Variants in ZNF526 observed in about 807,000 individuals in gnomAD.
ZNF526 encodes zinc finger protein 526.
ZNF526 carries 16 observed loss-of-function variants against 32.4 expected under a neutral mutation model. That is an observed-to-expected ratio of 0.49 (90% CI 0.33 to 0.75). The LOEUF is 0.75. Ranked by LOEUF, ZNF526 falls within the 30% of genes least tolerant of loss-of-function variation. ZNF526 has a pLI of 0.02. For synonymous variants in ZNF526, 355 were observed against 363.4 expected, an observed-to-expected ratio of 0.98 and a Z score of 0.26; for missense variants, 838 against 920.7, an observed-to-expected ratio of 0.91 and a Z score of 1.16.
rs765466116 is a variant in ZNF526 at position 42,224,852 on chromosome 19, C to A, written c.449C>A (p.Pro150His). 1 of 1,613,982 alleles carries A rather than the reference C, an allele frequency of 6.2e-7. No homozygotes were observed. The highest frequency in any genetic ancestry group is 1.1e-5 in the South Asian group (1 of 91,076). The change falls in exon 3 of 3, where the codon CCC becomes CAC. Residue 150 changes from proline (P) to histidine (H), a missense_variant. Physicochemically the swap from Pro to His is moderately conservative, Grantham distance 77. Coordinates refer to ENST00000301215, the MANE Select transcript of ZNF526 (RefSeq NM_133444.3). The stretch of plus-strand genomic sequence containing the variant: ...TGCTGGGACTGCCAGGAGCTGTTCC[C>A]CTCGCCCGAGCTGTGGGTGGCTCAT... ...YQCWDCQELF[P>H]SPELWVAHRK...
chr19:42,225,390 TG>T lies in ZNF526; in HGVS notation c.989del (p.Gly330AlafsTer34). On this transcript the variant is annotated frameshift_variant, in exon 3 of 3. Coordinates refer to ENST00000301215, the MANE Select transcript of ZNF526 (RefSeq NM_133444.3). LOFTEE classifies it high-confidence loss of function. ...AGGCTCATGGGCGGGCCCATGTTGG[TG>T]GCACACATGAGTGTACAACCTGCTC... ...LQAHGRAHVG[G>X]THECTTCSKV... is the part of the protein sequence containing the mutation. 6.2e-7 allele frequency: 1 copy of T among 1,613,980 alleles called. No individual in the cohort carries two copies. The highest frequency in any genetic ancestry group is 8.5e-7 in the Non-Finnish European group (1 of 1,180,028).
Position 42,223,984 on chromosome 19 carries a change from T to A in ZNF526, c.-108-231T>A, listed in dbSNP as rs1450945945. 3.6e-3 allele frequency among the ~76,000 whole-genome samples: 460 copies of A among 127,496 alleles called. 7 individuals carry two copies. Among genetic ancestry groups the A allele is most frequent in the African/African-American group, 0.014 (444 of 31,144 alleles). 83.6% of individuals were successfully genotyped at this position (127,496 alleles called of 152,430 possible). ...CCTTGTCTCTACTAAAATATATATA[T>A]ATATATATATATATATATACAAAAA... On this transcript the variant is annotated intron_variant, in intron 1 of 2. Transcript: ENST00000301215.
intron 1 of ZNF526, among the ~76,000 whole-genome samples, chr19:42,223,567 G>A (rs566374668): frequency 6.6e-6 from 1 of 152,244 alleles, no homozygotes; most frequent in East Asian, 1.9e-4. Context: ...CCTGAACCTG[G>A]GAGGCAGAGC....
chr19:42,225,209 C>G lies in ZNF526; in HGVS notation c.806C>G (p.Ala269Gly), dbSNP rs1454615012. The G allele has an allele frequency of 2.5e-6, 4 of 1,614,062 alleles. No homozygotes were observed. The highest frequency in any genetic ancestry group is 2.2e-5 in the South Asian group (2 of 91,082). Residue 269 changes from alanine to glycine, a missense_variant, in exon 3 of 3, where the codon GCT (alanine) becomes GGT (glycine). Transcript: ENST00000301215. ...GCTGTGGGAGGTGACGAGTCCACAG[C>G]TGGCTGGGCTCAGGGCTGCGGGGAC... ...DDAVGGDESTAGWAQGCGDCP... is the reference protein window; with the variant it reads ...DDAVGGDESTGGWAQGCGDCP...
Position 42,225,904 on chromosome 19 carries a change from C to T in ZNF526, c.1501C>T (p.Gln501Ter). Residue 501 changes from glutamine to a stop codon, truncating the protein, a stop_gained, in exon 3 of 3, where the codon CAG becomes TAG. Transcript: ENST00000301215. LOFTEE classifies it high-confidence loss of function. ...GACACACACGGGTGAGAGGCCCTTC[C>T]AGTGCCACTCATGTGGCAAGACCTT... Reference protein sequence around the residue: ...LRTHTGERPFQCHSCGKTFAS... With the variant: ...LRTHTGERPF 2 of 1,614,208 alleles carry T rather than the reference C, an allele frequency of 1.2e-6. No homozygotes were observed. Among genetic ancestry groups the T allele is most frequent in the Non-Finnish European group, 1.7e-6 (2 of 1,180,042 alleles).
chr19:42,222,588 C>T (rs1206004951), intron 1 of ZNF526, among the ~76,000 whole-genome samples: 2 of 152,060 alleles, frequency 1.3e-5, no homozygotes. Context: ...AGCCCACATA[C>T]GTAGAAGGGA....
intron 1 of ZNF526, among the ~76,000 whole-genome samples, chr19:42,222,900 G>A (rs537753458): frequency 4.6e-5 from 7 of 151,464 alleles, no homozygotes; most frequent in Admixed American, 4.6e-4. Context: ...CAAAGACTTA[G>A]GGTCTAAAAA....
In ZNF526 at chr19:42,225,262, G is replaced by A. The variant is rs1434601581; in HGVS notation, c.859G>A (p.Ala287Thr). The A allele has an allele frequency of 2.5e-6, 4 of 1,613,628 alleles. No individual in the cohort carries two copies. Among genetic ancestry groups the A allele is most frequent in the Middle Eastern group, 3.3e-4 (2 of 6,056 alleles). The change falls in exon 3 of 3, where the codon GCT becomes ACT. Residue 287 changes from alanine (A) to threonine (T), a missense_variant. Coordinates refer to ENST00000301215, the MANE Select transcript of ZNF526 (RefSeq NM_133444.3). ...TCCCCAGCACCAGCCCTCAGCAGGG[G>A]CTCGCCGGCAACACCGGCGGACGGC... The part of the protein sequence containing the change: ...DCPQHQPSAG[A>T]RRQHRRTAHS...
chr19:42,223,471 C>G (rs562581300), intron 1 of ZNF526, among the ~76,000 whole-genome samples: 1 of 152,260 alleles, frequency 6.6e-6, no homozygotes, highest in East Asian at 1.9e-4. Context: ...GAAACCCTGT[C>G]TCTACTAAAA....
intron 1 of ZNF526, among the ~76,000 whole-genome samples, chr19:42,222,403 A>G (rs1424382692): frequency 6.6e-6 from 1 of 152,104 alleles, no homozygotes; most frequent in Non-Finnish European, 1.5e-5. Flanking sequence ...CAACTTCTAT[A>G]TGCAAGGCTG....
rs1209236188 is a variant in ZNF526 at position 42,226,245 on chromosome 19, C to T, written c.1842C>T (p.Pro614=). 1.2e-6 allele frequency: 2 copies of T among 1,613,572 alleles called. No individual in the cohort carries two copies. Among genetic ancestry groups the T allele is most frequent in the Admixed American group, 1.7e-5 (1 of 60,026 alleles). The part of the protein sequence containing the change: ...QPPRSPSPAP[P]PPPEPQQTIM... ...CCAGATCACCATCTCCTGCCCCACC[C>T]CCACCTCCAGAGCCTCAACAGACTA... is the stretch of plus-strand genomic sequence containing the variant. The change falls in exon 3 of 3, where the codon CCC becomes CCT. Residue 614 remains proline (P), a synonymous_variant. Coordinates refer to ENST00000301215, the MANE Select transcript of ZNF526 (RefSeq NM_133444.3).
Position 42,224,230 on chromosome 19 carries a change from G to A in ZNF526, c.-93G>A, listed in dbSNP as rs2146928829. Reference sequence around the variant, plus strand: ...TCTCCTGCAGGCTGCCGTGGGGTGTGTGTAGGCTTCAGAGACATGGGATCA... The same window carrying A: ...TCTCCTGCAGGCTGCCGTGGGGTGTATGTAGGCTTCAGAGACATGGGATCA... On this transcript the variant is annotated 5_prime_UTR_variant, in exon 2 of 3. It adds an upstream start codon to the 5' untranslated region. Transcript: ENST00000301215. The A allele has an allele frequency of 1.3e-5, 9 of 670,398 alleles. No homozygotes were observed. Among genetic ancestry groups the A allele is most frequent in the South Asian group, 1.1e-4 (7 of 61,010 alleles). The allele number at this position is 670,398 out of a possible 1,614,324, so 41.5% of individuals were successfully genotyped here.
chr19:42,220,677 G>A (rs1008577749), intron 1 of ZNF526: 2 of 152,308 alleles, frequency 1.3e-5, no homozygotes, highest in African/African-American at 4.8e-5. Context: ...TGAATTTCCA[G>A]GGCCCTAGTG....
Position 42,226,136 on chromosome 19 carries a change from G to A in ZNF526, c.1733G>A (p.Cys578Tyr). The A allele has an allele frequency of 6.2e-7, 1 of 1,606,586 alleles. No homozygotes were observed. The highest frequency in any genetic ancestry group is 8.5e-7 in the Non-Finnish European group (1 of 1,180,006). ...YNKSPYYCGTCGRWFRAMAGL... is the reference protein window; with the variant it reads ...YNKSPYYCGTYGRWFRAMAGL... ...AAGAGTCCCTACTACTGCGGGACTT[G>A]TGGCCGCTGGTTCCGCGCCATGGCG... Residue 578 changes from cysteine (C) to tyrosine (Y), a missense_variant, in exon 3 of 3, where the codon TGT (cysteine) becomes TAT (tyrosine). Transcript: ENST00000301215.
At chr19:42,220,696 C>G (rs768437298) in intron 1 of ZNF526, 3 of 152,150 alleles carry the variant, frequency 2.0e-5, no homozygotes, top group Non-Finnish European at 4.4e-5. Flanking sequence ...TGGGTTCCTT[C>G]CTGGAAAGAC....
chr19:42,225,522 C>CA lies in ZNF526; in HGVS notation c.1120dup (p.Thr374AsnfsTer96), dbSNP rs763522513. 1 of 1,612,650 alleles carries CA rather than the reference C, an allele frequency of 6.2e-7. No individual in the cohort carries two copies. The highest frequency in any genetic ancestry group is 1.3e-5 in the African/African-American group (1 of 74,910). On this transcript the variant is annotated frameshift_variant, in exon 3 of 3. Coordinates refer to ENST00000301215, the MANE Select transcript of ZNF526 (RefSeq NM_133444.3). LOFTEE classifies it high-confidence loss of function. ...GTGGCCGCGGCTTTGGCACAGAACTCACGTTGGTGGCTCACCGGCGGGCCC... is the reference window on the plus strand; with the variant it reads ...GTGGCCGCGGCTTTGGCACAGAACTCAACGTTGGTGGCTCACCGGCGGGCCC...
At position 42,225,114 on chromosome 19, in the gene ZNF526, C is replaced by A. The variant is rs1160618217; in HGVS notation, c.711C>A (p.Asp237Glu). The change falls in exon 3 of 3, where the codon GAC becomes GAA. Residue 237 changes from aspartate (D) to glutamate (E), a missense_variant. By Grantham distance (45) the Asp-to-Glu change is conservative (BLOSUM62 2). Transcript: ENST00000301215. ...ATGGGTTGGAGGAGGAGGAAGAGGACGATGAGGAGGATGAAGAAGATGATG... is the reference window on the plus strand; with the variant it reads ...ATGGGTTGGAGGAGGAGGAAGAGGAAGATGAGGAGGATGAAGAAGATGATG... The part of the protein sequence containing the change: ...ERNGLEEEEE[D>E]DEEDEEDDEE... The A allele has an allele frequency of 1.2e-6, 2 of 1,613,976 alleles. No homozygotes were observed. The highest frequency in any genetic ancestry group is 1.7e-5 in the Admixed American group (1 of 60,014).
rs2036160470 is a variant in ZNF526 at position 42,225,051 on chromosome 19, G to A, written c.648G>A (p.Gln216=). 1 of 1,614,226 alleles carries A rather than the reference G, an allele frequency of 6.2e-7. No homozygotes were observed. The highest frequency in any genetic ancestry group is 8.5e-7 in the Non-Finnish European group (1 of 1,180,026). Residue 216 remains glutamine (Q), a synonymous_variant, in exon 3 of 3, where the codon CAG becomes CAA. Transcript: ENST00000301215. The part of the protein sequence containing the change: ...CATPEEFLEH[Q]GTHFDSLEKE... Reference sequence around the variant, plus strand: ...CCCCTGAGGAGTTCTTGGAGCATCAGGGCACCCACTTTGACTCCCTAGAGA... The same window carrying A: ...CCCCTGAGGAGTTCTTGGAGCATCAAGGCACCCACTTTGACTCCCTAGAGA...
In ZNF526 at chr19:42,225,495, CTG is replaced by C; in HGVS notation, c.1095_1096del (p.Cys365TrpfsTer104). The C allele has an allele frequency of 1.2e-6, 2 of 1,614,010 alleles. No individual in the cohort carries two copies. Among genetic ancestry groups the C allele is most frequent in the Non-Finnish European group, 1.7e-6 (2 of 1,179,948 alleles). On this transcript the variant is annotated frameshift_variant, in exon 3 of 3. Transcript: ENST00000301215. LOFTEE classifies it high-confidence loss of function. ...GGGAAGCCCGCTACCTCTGTGTAGA[CTG>C]TGGCCGCGGCTTTGGCACAGAACTC... ...RGEARYLCVD[C>X]GRGFGTELTL... is the part of the protein sequence containing the mutation.
Sources: gnomAD v4.1 joint callset for allele counts (sites outside exome capture counted in the v4.1 genomes callset) on GRCh38, gnomAD v4.1.1 for gene constraint, MANE v1.5 for transcripts, NCBI Gene and HGNC (gene_info 2026-07-23, HGNC 2026-07-21) for gene names.